APBA2: variants seen among roughly 807,000 people sequenced by gnomAD.
The protein encoded by APBA2 is amyloid-beta A4 precursor protein-binding family A member 2.
Under a neutral mutation model 75.0 loss-of-function variants are expected in APBA2, and 30 were observed. The observed-to-expected ratio is 0.40, with a 90% CI of 0.30 to 0.54. APBA2 has a LOEUF of 0.54. APBA2 is among the 20% of genes least tolerant of loss of function. The pLI, the probability that APBA2 is intolerant of heterozygous loss-of-function variation, is 0.49. For synonymous variants in APBA2, 444 were observed against 409.6 expected (o/e 1.08, Z -1.01); for missense variants, 801 against 1,016.1 (o/e 0.79, Z 2.88).
chr15:28,985,049 T>G (rs2037846334), intron 2 of APBA2, among the ~76,000 whole-genome samples: 1 of 152,202 alleles, frequency 6.6e-6, no homozygotes, highest in South Asian at 2.1e-4. Context: ...AGCTGACCTC[T>G]GTCCAGTCTG....
At chr15:28,987,001 C>G (rs1405166704) in intron 2 of APBA2, among the ~76,000 whole-genome samples, 7 of 152,154 alleles carry the variant, frequency 4.6e-5, no homozygotes, top group African/African-American at 1.2e-4. Flanking sequence ...GTGGAAGGCT[C>G]AGGAGAGTTC....
intron 1 of APBA2, among the ~76,000 whole-genome samples, chr15:28,890,295 A>G (rs148783196): frequency 0.013 from 1,932 of 152,304 alleles, 45 homozygotes; most frequent in African/African-American, 0.042. Context: ...TTCTGCACTA[A>G]GATTCCTTTT....
At chr15:29,075,267 G>T (rs969392508) in intron 5 of APBA2, among the ~76,000 whole-genome samples, 1 of 152,146 alleles carries the variant, frequency 6.6e-6, no homozygotes, top group Non-Finnish European at 1.5e-5. Context: ...GTGTGTGTGT[G>T]GGGGTGGGGG....
intron 1 of APBA2, among the ~76,000 whole-genome samples, chr15:28,899,147 A>G (rs1029278813): frequency 1.3e-5 from 2 of 152,212 alleles, no homozygotes; most frequent in Admixed American, 6.5e-5. Context: ...GGGCAGCCCC[A>G]TGTCCTCGCA....
intron 3 of APBA2, among the ~76,000 whole-genome samples, chr15:29,031,182 G>A (rs1419357054): frequency 6.6e-6 from 1 of 152,002 alleles, no homozygotes; most frequent in African/African-American, 2.4e-5. Context: ...AGCAACTCAT[G>A]GCTTAATTTT....
intron 1 of APBA2, among the ~76,000 whole-genome samples, chr15:28,889,058 G>C (rs2031954316): frequency 6.6e-6 from 1 of 152,058 alleles, no homozygotes; most frequent in Non-Finnish European, 1.5e-5. Flanking sequence ...TGGTTGGCCC[G>C]AGTGCCCACA....
At chr15:28,977,448 A>T (rs570231681) in intron 2 of APBA2, 1 of 152,326 alleles carries the variant, frequency 6.6e-6, no homozygotes, top group Admixed American at 6.5e-5. Flanking sequence ...GTGAATGAAT[A>T]GTCATCCCCC....
At chr15:29,065,004 AGTGT>A (rs35524060) in intron 4 of APBA2, among the ~76,000 whole-genome samples, 20 of 148,722 alleles carry the variant, frequency 1.3e-4, no homozygotes, top group South Asian at 8.6e-4. Flanking sequence ...AGGTGCTCAT[AGTGT>A]GTGTGTGTGT....
intron 3 of APBA2, among the ~76,000 whole-genome samples, chr15:29,006,657 A>C (rs1336154253): frequency 6.6e-6 from 1 of 152,202 alleles, no homozygotes; most frequent in Non-Finnish European, 1.5e-5. Flanking sequence ...GAGCTTGTGC[A>C]GGGGAACTCT....
At chr15:29,092,404 C>T (rs1393073706) in intron 6 of APBA2, among the ~76,000 whole-genome samples, 1 of 152,132 alleles carries the variant, frequency 6.6e-6, no homozygotes, top group Non-Finnish European at 1.5e-5. Flanking sequence ...AGAAATGGGT[C>T]CAGTCCCTCA....
rs566873875 is a variant in APBA2, at chr15:29,046,910, C to T, written c.-40-6935C>T. On this transcript the variant is annotated intron_variant, in intron 3 of 14. Coordinates refer to ENST00000683413, the MANE Select transcript of APBA2 (RefSeq NM_001353788.2). This position sits in a 1 kb window ranked among gnomAD's most constrained non-coding sequence, Gnocchi z 5.0. The stretch of plus-strand genomic sequence containing the variant: ...CAGAGTTCCCCGTTCCCATCTAAGA[C>T]ATTCACCTCATCAGGCATCTCTCCT... Among the ~76,000 whole-genome samples the T allele has an allele frequency of 8.5e-5, 13 of 152,370 alleles. No individual in the cohort carries two copies. In the East Asian group the frequency reaches 2.5e-3, roughly 29 times the overall value.
intron 10 of APBA2, among the ~76,000 whole-genome samples, chr15:29,103,094 G>A (rs1451723442): frequency 2.6e-5 from 4 of 152,242 alleles, no homozygotes; most frequent in Admixed American, 2.0e-4. Context: ...ACTGAGGGCC[G>A]AGGATGTGTG....
At chr15:28,913,167 A>G (rs1274847160) in intron 1 of APBA2, among the ~76,000 whole-genome samples, 5 of 152,226 alleles carry the variant, frequency 3.3e-5, no homozygotes, top group African/African-American at 1.2e-4. Flanking sequence ...GGCTTGGGTC[A>G]GGCTGCTCAG....
At chr15:29,060,389 G>T (rs28619350) in intron 4 of APBA2, among the ~76,000 whole-genome samples, 5 of 152,152 alleles carry the variant, frequency 3.3e-5, no homozygotes, top group Non-Finnish European at 7.3e-5. Context: ...GCCAAAACCC[G>T]TGCCTCTGAA....
chr15:28,898,199 A>G (rs2032629286), intron 1 of APBA2, among the ~76,000 whole-genome samples: 1 of 152,162 alleles, frequency 6.6e-6, no homozygotes, highest in East Asian at 1.9e-4. Context: ...ACTGCGAGAG[A>G]AGAAATGTGT....
chr15:28,935,481 A>G (rs2034809178), intron 2 of APBA2, among the ~76,000 whole-genome samples: 1 of 152,198 alleles, frequency 6.6e-6, no homozygotes, highest in African/African-American at 2.4e-5. Flanking sequence ...CCCTCTGGAA[A>G]TGGACAGTGG....
intron 3 of APBA2, among the ~76,000 whole-genome samples, chr15:29,027,775 G>A (rs901705462): frequency 2.0e-5 from 3 of 151,462 alleles, no homozygotes; most frequent in African/African-American, 7.3e-5. Flanking sequence ...CTAATTTTTT[G>A]TATTTTTCGT....
intron 13 of APBA2, among the ~76,000 whole-genome samples, chr15:29,112,101 G>C (rs568397650): frequency 2.5e-4 from 38 of 152,288 alleles, no homozygotes; most frequent in Non-Finnish European, 4.6e-4. Context: ...GTGTCCTCCC[G>C]TCCTTGCCAG....
intron 3 of APBA2, among the ~76,000 whole-genome samples, chr15:29,028,581 A>T (rs1356503291): frequency 6.6e-6 from 1 of 152,192 alleles, no homozygotes; most frequent in Non-Finnish European, 1.5e-5. Flanking sequence ...AGGAGTCACC[A>T]CACTGTCTTC....
Sources: gnomAD v4.1 joint callset for allele counts (sites outside exome capture counted in the v4.1 genomes callset) on GRCh38, gnomAD v4.1.1 for gene constraint, Gnocchi (gnomAD v3.1) non-coding constraint, MANE v1.5 for transcripts, NCBI Gene and HGNC (gene_info 2026-07-23, HGNC 2026-07-21) for gene names.